Variants in TNFRSF1A observed in about 807,000 individuals in gnomAD.
The protein encoded by TNFRSF1A is tumor necrosis factor receptor superfamily member 1A.
Under a neutral mutation model 41.6 loss-of-function variants are expected in TNFRSF1A, and 9 were observed. That is an observed-to-expected ratio of 0.22 (90% CI 0.13 to 0.38). TNFRSF1A has a LOEUF of 0.38. Ranked by LOEUF, TNFRSF1A falls within the 10% of genes least tolerant of loss-of-function variation. The pLI, the probability that TNFRSF1A is intolerant of heterozygous loss-of-function variation, is 1.00. For missense variants in TNFRSF1A, 463 were observed against 591.5 expected (o/e 0.78, Z 2.25); for synonymous variants, 254 against 248.6 (o/e 1.02, Z -0.21).
At position 6,333,538 on chromosome 12, in the gene TNFRSF1A, G is replaced by A. The variant is rs1948079846; in HGVS notation, c.323-22C>T. 1.9e-6 allele frequency: 3 copies of A among 1,613,942 alleles called. No individual in the cohort carries two copies. Among genetic ancestry groups the A allele is most frequent in the South Asian group, 1.1e-5 (1 of 91,070 alleles). ...ATTTCTGGTGAGGGGAGAAGATGGG[G>A]TATGAGTCCTGCATCCTCCTGTCCC... On this transcript the variant is annotated intron_variant, in intron 3 of 9. Coordinates refer to ENST00000162749, the MANE Select transcript of TNFRSF1A (RefSeq NM_001065.4). This position sits in a 1 kb window ranked among gnomAD's most constrained non-coding sequence, Gnocchi z 6.3.
chr12:6,329,761 C>T lies in TNFRSF1A; in HGVS notation c.1057+17G>A, dbSNP rs751352001. 6.3e-7 allele frequency: 1 copy of T among 1,592,918 alleles called. No individual in the cohort carries two copies. The highest frequency in any genetic ancestry group is 2.2e-4 in the Middle Eastern group (1 of 4,474). On this transcript the variant is annotated intron_variant, in intron 9 of 9. Transcript: ENST00000162749. ...CCTCCCCCAGCCTCCTCGTCTCCAG[C>T]CGCGGGAGAAACTCACTGTCTAGGC...
chr12:6,331,394 A>T (rs1183875133), intron 5 of TNFRSF1A: 1 of 241,774 alleles, frequency 4.1e-6, no homozygotes, highest in African/African-American at 2.3e-5. Flanking sequence ...TGGCAAAGAG[A>T]GGTTAAAGGG....
rs1948202079 is a variant in TNFRSF1A, at chr12:6,342,026, C to T, written c.-212G>A. The T allele has an allele frequency of 1.6e-6, 1 of 628,050 alleles. No individual in the cohort carries two copies. Among genetic ancestry groups the T allele is most frequent in the Admixed American group, 2.5e-5 (1 of 39,726 alleles). 38.9% of individuals were successfully genotyped at this position (628,050 alleles called of 1,614,324 possible). A position where few individuals can be genotyped will look rare whatever the true frequency, so the allele number is the denominator to read the frequency against. On this transcript the variant is annotated 5_prime_UTR_variant, in exon 1 of 10. Transcript: ENST00000162749. ...AACTGGAGCCTCAGTCCAGAGAATT[C>T]TGAGAAAATTAAAGCAGAGAGGAGG...
At chr12:6,330,783 T>G in intron 6 of TNFRSF1A, 70 bp downstream of exon 6, 6 of 1,574,066 alleles carry the variant, frequency 3.8e-6, no homozygotes, top group Non-Finnish European at 5.2e-6. Flanking sequence ...ATGGGTGGGA[T>G]GGATGGACGG....
chr12:6,330,015 T>C lies in TNFRSF1A; in HGVS notation c.820A>G (p.Ser274Gly), dbSNP rs1160443414. ...GTGGGGGTGAAGCCTGGAGTGGGAC[T>C]GAAGCTTGGGTTTGGGGCCAGGGGC... The part of the protein sequence containing the change: ...TKPLAPNPSF[S>G]PTPGFTPTLG... Residue 274 changes from serine (S) to glycine (G), a missense_variant, in exon 9 of 10, where the codon AGT (serine) becomes GGT (glycine). Physicochemically the swap from Ser to Gly is moderately conservative, Grantham distance 56. Coordinates refer to ENST00000162749, the MANE Select transcript of TNFRSF1A (RefSeq NM_001065.4). 6.2e-7 allele frequency: 1 copy of C among 1,610,320 alleles called. No individual in the cohort carries two copies. Among genetic ancestry groups the C allele is most frequent in the Non-Finnish European group, 8.5e-7 (1 of 1,178,202 alleles).
Position 6,330,941 on chromosome 12 carries a change from G to A in TNFRSF1A, c.552-15C>T, listed in dbSNP as rs370357102. 9.9e-6 allele frequency: 16 copies of A among 1,611,542 alleles called. No homozygotes were observed. The East Asian group carries it at 1.8e-4, about 18-fold the overall frequency. ...TTTTCTTACAGCTAAAAGAAGAGAC[G>A]GCACTGGTGAACAGAGGCCCTACCA... On this transcript the variant is annotated splice_polypyrimidine_tract_variant and intron_variant, in intron 5 of 9. Transcript: ENST00000162749.
At position 6,330,394 on chromosome 12, in the gene TNFRSF1A, A is replaced by G. The variant is rs551247739; in HGVS notation, c.740-99T>C. On this transcript the variant is annotated intron_variant, in intron 7 of 9. Coordinates refer to ENST00000162749, the MANE Select transcript of TNFRSF1A (RefSeq NM_001065.4). ...GTGGGGACTTGTGGTGACATGCCTC[A>G]GGGCCTATGTGGCCCCAGGGACGAG... The G allele has an allele frequency of 2.5e-5, 31 of 1,249,048 alleles. No individual in the cohort carries two copies. In the Admixed American group the frequency reaches 4.0e-4, roughly 16 times the overall value. 77.4% of individuals were successfully genotyped at this position (1,249,048 alleles called of 1,614,324 possible).
Position 6,333,977 on chromosome 12 carries a change from G to A in TNFRSF1A, c.194-112C>T. 1.2e-6 allele frequency: 2 copies of A among 1,610,578 alleles called. No individual in the cohort carries two copies. Among genetic ancestry groups the A allele is most frequent in the Non-Finnish European group, 1.7e-6 (2 of 1,177,466 alleles). The stretch of plus-strand genomic sequence containing the variant: ...TGAAGTCTCTAGGAGAGGAGGGAGG[G>A]AGAAAATCCCAGCCCAGGAGAGACA... On this transcript the variant is annotated intron_variant, in intron 2 of 9. Coordinates refer to ENST00000162749, the MANE Select transcript of TNFRSF1A (RefSeq NM_001065.4). This position sits in a 1 kb window ranked among gnomAD's most constrained non-coding sequence, Gnocchi z 6.3.
chr12:6,332,807 G>A (rs111400367), intron 5 of TNFRSF1A, among the ~76,000 whole-genome samples: 4 of 152,290 alleles, frequency 2.6e-5, no homozygotes, highest in Admixed American at 6.5e-5. Context: ...ATGAGCTATC[G>A]TAGATCCAAG....
intron 9 of TNFRSF1A, 52 bp downstream of exon 9, chr12:6,329,726 C>T: frequency 6.4e-7 from 1 of 1,555,706 alleles, no homozygotes; most frequent in Non-Finnish European, 8.7e-7. Context: ...GCCTCCCGCG[C>T]TCCCCCGGCC....
intron 9 of TNFRSF1A, 69 bp from the exon 10 acceptor site, chr12:6,329,691 G>T (rs1948008864): frequency 2.0e-6 from 3 of 1,529,738 alleles, no homozygotes; most frequent in Non-Finnish European, 2.6e-6. Context: ...CGCGCCCTCC[G>T]CCTCTCGTGG....
At position 6,337,066 on chromosome 12, in the gene TNFRSF1A, T is replaced by C. The variant is rs1337678903; in HGVS notation, c.40-2822A>G. ...GGAGCAGGCAAGAAGGGATGCCGGATGGAAGAACCAGCCCTGCTTCCTAGG... is the reference window on the plus strand; with the variant it reads ...GGAGCAGGCAAGAAGGGATGCCGGACGGAAGAACCAGCCCTGCTTCCTAGG... On this transcript the variant is annotated intron_variant, in intron 1 of 9. Transcript: ENST00000162749. The surrounding 1 kb of genome is among the most constrained non-coding windows in gnomAD (Gnocchi z 4.6). 6.6e-6 allele frequency among the ~76,000 whole-genome samples: 1 copy of C among 152,166 alleles called. No individual in the cohort carries two copies. Among genetic ancestry groups the C allele is most frequent in the African/African-American group, 2.4e-5 (1 of 41,430 alleles).
chr12:6,333,427 C>T lies in TNFRSF1A; in HGVS notation c.412G>A (p.Glu138Lys). ...RKNQYRHYWS[E>K]NLFQCFNCSL... ...CAATTGAAGCACTGGAAAAGGTTTT[C>T]ACTCCAATAATGCCGGTACTGGTTC... Residue 138 changes from glutamate to lysine, a missense_variant, in exon 4 of 10, where the codon GAA becomes AAA. Around this residue, in one of 4 missense-constraint regions of TNFRSF1A, gnomAD observed 149 missense variants for 239.4 expected, o/e 0.62. Coordinates refer to ENST00000162749, the MANE Select transcript of TNFRSF1A (RefSeq NM_001065.4). This position sits in a 1 kb window ranked among gnomAD's most constrained non-coding sequence, Gnocchi z 6.3. 2 of 1,614,072 alleles carry T rather than the reference C, an allele frequency of 1.2e-6. No individual in the cohort carries two copies. Among genetic ancestry groups the T allele is most frequent in the Non-Finnish European group, 1.7e-6 (2 of 1,179,982 alleles).
chr12:6,330,403 G>A (rs1948033757), intron 7 of TNFRSF1A, 108 bp from the exon 8 acceptor site: 4 of 1,180,264 alleles, frequency 3.4e-6, no homozygotes, highest in African/African-American at 1.5e-5. Flanking sequence ...CAGGGCCTAT[G>A]TGGCCCCAGG....
At chr12:6,332,450 A>AAAAAG (rs1948063761) in intron 5 of TNFRSF1A, among the ~76,000 whole-genome samples, 2 of 150,664 alleles carry the variant, frequency 1.3e-5, no homozygotes, top group Non-Finnish European at 3.0e-5. Flanking sequence ...AAAAAAAAAA[A>AAAAAG]AAAAACACCA....
rs1804532 is a variant in TNFRSF1A, at chr12:6,329,922, G to C, written c.913C>G (p.Pro305Ala). ...TCTCTGCGGGGAGCCGCAAAGTTGG[G>C]ACAGTCACCGGGGGTATAGGTGGAG... is the stretch of plus-strand genomic sequence containing the variant. ...SSSTYTPGDC[P>A]NFAAPRREVA... The change falls in exon 9 of 10, where the codon CCC becomes GCC. Residue 305 changes from proline (P) to alanine (A), a missense_variant. This residue lies in a region of TNFRSF1A where 277 missense variants were observed against 288.8 expected (regional missense o/e 0.96). Coordinates refer to ENST00000162749, the MANE Select transcript of TNFRSF1A (RefSeq NM_001065.4). 7.0e-6 allele frequency: 11 copies of C among 1,571,676 alleles called. No homozygotes were observed. The highest frequency in any genetic ancestry group is 9.5e-6 in the Non-Finnish European group (11 of 1,157,138).
chr12:6,330,574 C>G (rs202071551), intron 7 of TNFRSF1A, 24 bp downstream of exon 7: 8 of 1,565,326 alleles, frequency 5.1e-6, no homozygotes, highest in Non-Finnish European at 7.0e-6. Flanking sequence ...CCAGCTCCCT[C>G]TCCCTCCCAA....
rs116336305 is a variant in TNFRSF1A at position 6,334,181 on chromosome 12, C to T, written c.103G>A (p.Gly35Arg). The change falls in exon 2 of 10, where the codon GGG becomes AGG. Residue 35 changes from glycine (G) to arginine (R), a missense_variant. Gly to Arg is a moderately radical substitution (Grantham distance 125). Transcript: ENST00000162749. This position sits in a 1 kb window ranked among gnomAD's most constrained non-coding sequence, Gnocchi z 5.1. ...SGVIGLVPHL[G>R]DREKRDSVCP... ...ACACTATCTCTCTTCTCCCTGTCCC[C>T]TAGGTGAGGGACCAGTCCAATAACC... The T allele has an allele frequency of 2.5e-6, 4 of 1,613,796 alleles. No individual in the cohort carries two copies. The highest frequency in any genetic ancestry group is 1.7e-6 in the Non-Finnish European group (2 of 1,179,818).
chr12:6,337,062 C>G lies in TNFRSF1A; in HGVS notation c.40-2818G>C, dbSNP rs544759233. Among the ~76,000 whole-genome samples, 65 of 152,296 alleles carry G rather than the reference C, an allele frequency of 4.3e-4. No individual in the cohort carries two copies. The highest frequency in any genetic ancestry group is 7.5e-4 in the Non-Finnish European group (51 of 68,010). ...CGAGGGAGCAGGCAAGAAGGGATGC[C>G]GGATGGAAGAACCAGCCCTGCTTCC... On this transcript the variant is annotated intron_variant, in intron 1 of 9. Coordinates refer to ENST00000162749, the MANE Select transcript of TNFRSF1A (RefSeq NM_001065.4). This position sits in a 1 kb window ranked among gnomAD's most constrained non-coding sequence, Gnocchi z 4.6.
Sources: gnomAD v4.1 joint callset for allele counts (sites outside exome capture counted in the v4.1 genomes callset) on GRCh38, gnomAD v4.1.1 for gene constraint, gnomAD v4.1.1 regional missense constraint, Gnocchi (gnomAD v3.1) non-coding constraint, MANE v1.5 for transcripts, NCBI Gene and HGNC (gene_info 2026-07-23, HGNC 2026-07-21) for gene names.